The following XKR6 variants were observed in gnomAD, a reference collection of about 807,000 sequenced individuals.
XKR6 encodes the protein XK-related protein 6.
In XKR6, 22 loss-of-function variants were observed where a neutral mutation model predicts 56.7. The ratio of observed to expected loss-of-function variants is 0.39; its 90% CI spans 0.28 to 0.55. The LOEUF (loss-of-function observed/expected upper bound fraction) is 0.55, where lower values mean the gene tolerates loss of function less well. XKR6 is among the 20% of genes least tolerant of loss of function. The pLI, the probability that XKR6 is intolerant of heterozygous loss-of-function variation, is 0.66. For missense variants in XKR6, 852 were observed against 889.0 expected (o/e 0.96, Z 0.53); for synonymous variants, 524 against 387.8 (o/e 1.35, Z -4.13).
chr8:11,094,513 C>T (rs1251920781), intron 1 of XKR6, among the ~76,000 whole-genome samples: 1 of 152,138 alleles, frequency 6.6e-6, no homozygotes, highest in Non-Finnish European at 1.5e-5. Context: ...CATTTGGGGG[C>T]ATTTGTAATT....
At chr8:10,986,523 C>T (rs138414226) in intron 1 of XKR6, among the ~76,000 whole-genome samples, 1 of 152,012 alleles carries the variant, frequency 6.6e-6, no homozygotes, top group African/African-American at 2.4e-5. Context: ...TTTTTTCTTA[C>T]AAAAGATGGT....
At chr8:11,041,164 G>C (rs1195020478) in intron 1 of XKR6, among the ~76,000 whole-genome samples, 1 of 152,096 alleles carries the variant, frequency 6.6e-6, no homozygotes, top group Non-Finnish European at 1.5e-5. Context: ...TCCCTGAAAC[G>C]CATTTTAGAA....
chr8:11,041,072 T>C (rs1418704388), intron 1 of XKR6, among the ~76,000 whole-genome samples: 1 of 152,004 alleles, frequency 6.6e-6, no homozygotes, highest in Non-Finnish European at 1.5e-5. Context: ...TCAAACAGCA[T>C]TGGTGGAAGT....
intron 1 of XKR6, among the ~76,000 whole-genome samples, chr8:11,104,385 C>G (rs1798597999): frequency 6.6e-6 from 1 of 152,230 alleles, no homozygotes; most frequent in African/African-American, 2.4e-5. Context: ...CTCCTTGACA[C>G]AGTATATATA....
intron 1 of XKR6, among the ~76,000 whole-genome samples, chr8:11,000,243 C>T (rs917235894): frequency 6.6e-6 from 1 of 152,180 alleles, no homozygotes; most frequent in African/African-American, 2.4e-5. Context: ...TAGAAGGCAA[C>T]AGGACAGGAG....
chr8:11,181,246 T>C (rs1802962954), intron 1 of XKR6, among the ~76,000 whole-genome samples: 1 of 152,248 alleles, frequency 6.6e-6, no homozygotes, highest in Admixed American at 6.5e-5. Context: ...TGAACGTTTT[T>C]CAGTCAAAAG....
intron 1 of XKR6, among the ~76,000 whole-genome samples, chr8:11,001,932 G>A (rs73539361): frequency 0.031 from 4,767 of 152,146 alleles, 255 homozygotes; most frequent in African/African-American, 0.11. Context: ...CACCATACCC[G>A]TTGCTCCCCA....
intron 1 of XKR6, among the ~76,000 whole-genome samples, chr8:11,009,633 C>A (rs879785285): frequency 6.6e-6 from 1 of 152,176 alleles, no homozygotes; most frequent in African/African-American, 2.4e-5. Context: ...CTAACCAGCA[C>A]TCAAAACTGT....
intron 1 of XKR6, among the ~76,000 whole-genome samples, chr8:11,071,862 C>T (rs924105528): frequency 7.9e-6 from 1 of 126,370 alleles, no homozygotes; most frequent in Non-Finnish European, 1.6e-5. Flanking sequence ...GTTCACATCA[C>T]AGGGAATCAC....
chr8:11,109,604 G>A (rs940243748), intron 1 of XKR6: 1 of 152,168 alleles, frequency 6.6e-6, no homozygotes, highest in Non-Finnish European at 1.5e-5. Context: ...CTTTAAGTCA[G>A]CTCTGGGCGA....
chr8:10,973,140 G>C (rs1488131087), intron 1 of XKR6, among the ~76,000 whole-genome samples: 2 of 152,242 alleles, frequency 1.3e-5, no homozygotes, highest in African/African-American at 2.4e-5. Context: ...TAGGACTAGA[G>C]TTTTAATTAA....
At chr8:11,041,455 C>G (rs574147924) in intron 1 of XKR6, among the ~76,000 whole-genome samples, 1 of 151,838 alleles carries the variant, frequency 6.6e-6, no homozygotes, top group African/African-American at 2.4e-5. Context: ...ACTCGGGAGG[C>G]TGAGGCAGGA....
At chr8:11,005,196 G>C (rs1480544407) in intron 1 of XKR6, among the ~76,000 whole-genome samples, 1 of 151,916 alleles carries the variant, frequency 6.6e-6, no homozygotes, top group Non-Finnish European at 1.5e-5. Flanking sequence ...CACATCCCAA[G>C]CAGAATGACG....
At position 11,145,170 on chromosome 8, in the gene XKR6, G is replaced by A. The variant is rs143682735; in HGVS notation, c.764+55406C>T. ...ATACTCAAAGGAAATGCTCACTGGAGCATTTTGGATTTCAGATTTTTGGAT... is the reference window on the plus strand; with the variant it reads ...ATACTCAAAGGAAATGCTCACTGGAACATTTTGGATTTCAGATTTTTGGAT... On this transcript the variant is annotated intron_variant, in intron 1 of 2. Coordinates refer to ENST00000416569, the MANE Select transcript of XKR6 (RefSeq NM_173683.4). Among the ~76,000 whole-genome samples, 47 of 152,172 alleles carry A rather than the reference G, an allele frequency of 3.1e-4. 1 individual carries two copies. The highest frequency in any genetic ancestry group is 1.1e-3 in the African/African-American group (44 of 41,502).
chr8:10,911,550 T>G (rs4496928), intron 2 of XKR6, among the ~76,000 whole-genome samples: 53,695 of 145,750 alleles, frequency 0.37, 11,524 homozygotes, highest in African/African-American at 0.59. Context: ...TATATATATA[T>G]AGAGAGAATA....
chr8:11,024,950 C>T (rs566671395), intron 1 of XKR6, among the ~76,000 whole-genome samples: 24 of 152,312 alleles, frequency 1.6e-4, no homozygotes, highest in African/African-American at 5.1e-4. Flanking sequence ...TGGTCAAGAC[C>T]GGCTCTCTAA....
Position 11,066,541 on chromosome 8 carries a change from C to T in XKR6, c.764+134035G>A, listed in dbSNP as rs567176873. 5.5e-4 allele frequency among the ~76,000 whole-genome samples: 83 copies of T among 152,282 alleles called. 3 individuals carry two copies. In the South Asian group the frequency reaches 0.016, roughly 30 times the overall value. On this transcript the variant is annotated intron_variant, in intron 1 of 2. Transcript: ENST00000416569. ...GGTTTTCACATTTATCCAATAGAGA[C>T]GTCACCCGCCCAGGCTGACTCAAAG...
intron 1 of XKR6, among the ~76,000 whole-genome samples, chr8:10,925,399 A>C (rs1365916974): frequency 6.6e-6 from 1 of 152,196 alleles, no homozygotes; most frequent in Admixed American, 6.5e-5. Context: ...CCCCCACTGC[A>C]CAGGCTCCTG....
At chr8:10,935,067 C>T (rs983772273) in intron 1 of XKR6, among the ~76,000 whole-genome samples, 3 of 91,050 alleles carry the variant, frequency 3.3e-5, no homozygotes, top group Non-Finnish European at 6.9e-5. Flanking sequence ...ATTATTGCCA[C>T]AATTTCAGCT....
Sources: allele counts gnomAD v4.1 joint callset (sites outside exome capture counted in the v4.1 genomes callset), GRCh38; gene constraint gnomAD v4.1.1; transcripts MANE v1.5; gene names NCBI Gene and HGNC (gene_info 2026-07-23, HGNC 2026-07-21).